PDE4B: variants seen among roughly 807,000 people sequenced by gnomAD.
The protein encoded by PDE4B is 3',5'-cyclic-AMP phosphodiesterase 4B.
A neutral mutation model predicts 82.2 loss-of-function variants in PDE4B; 20 were observed. The ratio of observed to expected loss-of-function variants is 0.24; its 90% CI spans 0.17 to 0.35. The LOEUF is 0.35. Among genes scored for constraint, PDE4B ranks in the 10% least tolerant of loss-of-function variants. The pLI is 1.00. For missense variants in PDE4B, 655 were observed against 907.2 expected (o/e 0.72, Z 3.57); for synonymous variants, 320 against 318.9 (o/e 1.00, Z -0.04).
intron 3 of PDE4B, among the ~76,000 whole-genome samples, chr1:66,106,328 G>C (rs1457725546): frequency 6.6e-6 from 1 of 151,864 alleles, no homozygotes; most frequent in Non-Finnish European, 1.5e-5. Flanking sequence ...TGTGCTGCTG[G>C]ATTTGGTTTG....
At chr1:66,315,084 A>G (rs987976098) in intron 7 of PDE4B, among the ~76,000 whole-genome samples, 6 of 152,190 alleles carry the variant, frequency 3.9e-5, no homozygotes, top group African/African-American at 1.4e-4. Flanking sequence ...CTTTACCCAT[A>G]CATCATTCTC....
chr1:66,212,636 A>G (rs1440524273), intron 3 of PDE4B, among the ~76,000 whole-genome samples: 2 of 152,090 alleles, frequency 1.3e-5, no homozygotes, highest in African/African-American at 4.8e-5. Context: ...CAGAATGTTA[A>G]CTCCTCGATG....
chr1:66,337,945 T>C (rs1243619121), intron 8 of PDE4B, among the ~76,000 whole-genome samples: 4 of 152,244 alleles, frequency 2.6e-5, no homozygotes, highest in Non-Finnish European at 5.9e-5. Flanking sequence ...TTAGGTATAG[T>C]AATATAGACA....
At chr1:66,167,207 C>A (rs959761368) in intron 3 of PDE4B, among the ~76,000 whole-genome samples, 1 of 137,280 alleles carries the variant, frequency 7.3e-6, no homozygotes, top group Admixed American at 7.1e-5. Context: ...TGTTTATATA[C>A]CAGAAAAATG....
chr1:66,293,997 G>A (rs997649679), intron 7 of PDE4B, among the ~76,000 whole-genome samples: 1 of 152,132 alleles, frequency 6.6e-6, no homozygotes, highest in African/African-American at 2.4e-5. Flanking sequence ...CCTGAAATCA[G>A]GAGTTCCTGA....
At chr1:65,858,748 T>A (rs1158178665) in intron 1 of PDE4B, among the ~76,000 whole-genome samples, 2 of 152,178 alleles carry the variant, frequency 1.3e-5, no homozygotes, top group East Asian at 3.8e-4. Context: ...TGAGACTGAC[T>A]GTTTTAGCAT....
chr1:65,849,721 A>G (rs888666502), intron 1 of PDE4B, among the ~76,000 whole-genome samples: 1 of 152,182 alleles, frequency 6.6e-6, no homozygotes, highest in African/African-American at 2.4e-5. Flanking sequence ...AAAAAAAACA[A>G]CAACACAACT....
At chr1:66,328,048 C>T (rs757966772) in intron 7 of PDE4B, among the ~76,000 whole-genome samples, 6 of 152,228 alleles carry the variant, frequency 3.9e-5, no homozygotes, top group Non-Finnish European at 5.9e-5. Flanking sequence ...ATCTATCACA[C>T]AAAGATGTTG....
chr1:66,045,859 C>A (rs1654683317), intron 3 of PDE4B, among the ~76,000 whole-genome samples: 1 of 151,584 alleles, frequency 6.6e-6, no homozygotes, highest in Non-Finnish European at 1.5e-5. Flanking sequence ...GTTCTAGGAA[C>A]CATGTATAGT....
intron 3 of PDE4B, among the ~76,000 whole-genome samples, chr1:66,229,252 G>A (rs191799408): frequency 4.8e-4 from 73 of 151,684 alleles, no homozygotes; most frequent in African/African-American, 1.5e-3. Flanking sequence ...CTCGTGATCC[G>A]CCCGCCTCGG....
At chr1:66,168,650 T>C (rs1395438366) in intron 3 of PDE4B, among the ~76,000 whole-genome samples, 1 of 152,164 alleles carries the variant, frequency 6.6e-6, no homozygotes, top group African/African-American at 2.4e-5. Flanking sequence ...TGGCTGTCAT[T>C]GTGAATAGAA....
intron 3 of PDE4B, among the ~76,000 whole-genome samples, chr1:66,004,840 T>C (rs1008889714): frequency 6.6e-6 from 1 of 152,014 alleles, no homozygotes; most frequent in African/African-American, 2.4e-5. Flanking sequence ...TTTATTTGTT[T>C]ATTTATTTAT....
At chr1:65,983,013 C>T (rs887621068) in intron 3 of PDE4B, among the ~76,000 whole-genome samples, 1 of 152,130 alleles carries the variant, frequency 6.6e-6, no homozygotes, top group Admixed American at 6.5e-5. Context: ...TGGTGCCACC[C>T]CATTCATGGG....
intron 3 of PDE4B, among the ~76,000 whole-genome samples, chr1:66,144,447 T>C (rs1307344939): frequency 1.3e-5 from 2 of 152,168 alleles, no homozygotes; most frequent in Admixed American, 6.5e-5. Context: ...GAAACTCTAG[T>C]AGAGAATAAA....
chr1:66,134,030 A>G (rs1646004247), intron 3 of PDE4B, among the ~76,000 whole-genome samples: 1 of 107,802 alleles, frequency 9.3e-6, no homozygotes, highest in African/African-American at 3.8e-5. Context: ...TCAAAACTAT[A>G]TACACAAAAC....
intron 3 of PDE4B, among the ~76,000 whole-genome samples, chr1:66,096,607 T>C (rs952915357): frequency 5.4e-5 from 8 of 148,084 alleles, no homozygotes; most frequent in Non-Finnish European, 1.2e-4. Context: ...GATTATATAT[T>C]GACCATATTT....
Position 66,325,500 on chromosome 1 carries a change from C to T in PDE4B, c.635-7008C>T, listed in dbSNP as rs550880695. ...TGCTGAATGAATGAACAAACAACTT[C>T]CCTATACAATTCTCCACATCTGAAA... is the stretch of plus-strand genomic sequence containing the variant. On this transcript the variant is annotated intron_variant, in intron 7 of 16. Transcript: ENST00000341517. Among the ~76,000 whole-genome samples the T allele has an allele frequency of 3.9e-5, 6 of 152,274 alleles. No individual in the cohort carries two copies. In the South Asian group the frequency reaches 1.0e-3, roughly 26 times the overall value.
intron 8 of PDE4B, among the ~76,000 whole-genome samples, chr1:66,348,220 G>C (rs1661555219): frequency 6.6e-6 from 1 of 152,266 alleles, no homozygotes; most frequent in South Asian, 2.1e-4. Flanking sequence ...TTAAATATTA[G>C]CCGTTATACC....
At chr1:66,090,029 A>G (rs1644980307) in intron 3 of PDE4B, among the ~76,000 whole-genome samples, 1 of 152,058 alleles carries the variant, frequency 6.6e-6, no homozygotes, top group African/African-American at 2.4e-5. Flanking sequence ...AACTCTTAGG[A>G]AAGAGAAGAA....
Sources: allele counts gnomAD v4.1 joint callset (sites outside exome capture counted in the v4.1 genomes callset), GRCh38; gene constraint gnomAD v4.1.1; transcripts MANE v1.5; gene names NCBI Gene and HGNC (gene_info 2026-07-23, HGNC 2026-07-21).